RUNX1T1: variants seen among roughly 807,000 people sequenced by gnomAD.
RUNX1T1 encodes the protein protein CBFA2T1.
A neutral mutation model predicts 62.8 loss-of-function variants in RUNX1T1; 4 were observed. The ratio of observed to expected loss-of-function variants is 0.06; its 90% CI spans 0.03 to 0.15. RUNX1T1 has a LOEUF of 0.15. Ranked by LOEUF, RUNX1T1 falls within the 10% of genes least tolerant of loss-of-function variation. The pLI is 1.00. For synonymous variants in RUNX1T1, 291 were observed against 286.0 expected (o/e 1.02, Z -0.18); for missense variants, 508 against 754.3 (o/e 0.67, Z 3.82).
intron 10 of RUNX1T1, among the ~76,000 whole-genome samples, chr8:91,965,767 G>C (rs745838357): frequency 2.6e-5 from 4 of 152,018 alleles, no homozygotes; most frequent in Non-Finnish European, 4.4e-5. Flanking sequence ...TACTTCTGTG[G>C]TCTCTCTCCT....
chr8:92,006,340 T>TC (rs1224855981), intron 4 of RUNX1T1: 1 of 152,116 alleles, frequency 6.6e-6, no homozygotes. Flanking sequence ...ACAGCACTCA[T>TC]CCCCAATCAC....
rs1563814118 is a variant in RUNX1T1 at position 92,036,011 on chromosome 8, A to AT, written c.8-18649_8-18648insA. Among the ~76,000 whole-genome samples the AT allele has an allele frequency of 5.3e-5, 8 of 152,210 alleles. No individual in the cohort carries two copies. The East Asian group carries it at 1.5e-3, about 29-fold the overall frequency. On this transcript the variant is annotated intron_variant, in intron 1 of 10. Transcript: ENST00000396218. ...ATAAATTTAATGTTAGTAAGTTCTT[A>AT]ATGTAGCCTCATTTCTATTTATACT...
At chr8:91,986,754 G>A (rs1410950656) in intron 7 of RUNX1T1, 133 bp downstream of exon 8, 15 of 661,094 alleles carry the variant, frequency 2.3e-5, no homozygotes, top group Admixed American at 9.8e-5. Flanking sequence ...AGATATTCTC[G>A]CTCATTTTTT....
intron 1 of RUNX1T1, among the ~76,000 whole-genome samples, chr8:92,032,219 G>T (rs1394016858): frequency 6.7e-6 from 1 of 148,508 alleles, no homozygotes; most frequent in African/African-American, 2.5e-5. Flanking sequence ...ACTAAGTTCA[G>T]AAATGGATAT....
intron 1 of RUNX1T1, among the ~76,000 whole-genome samples, chr8:92,050,123 CTG>C (rs1222677482): frequency 4.6e-5 from 7 of 152,174 alleles, no homozygotes; most frequent in African/African-American, 1.4e-4. Context: ...AAATGATAGA[CTG>C]TTATTCGTAA....
At chr8:91,970,043 T>TGTG (rs11374252) in intron 10 of RUNX1T1, among the ~76,000 whole-genome samples, 315 of 142,806 alleles carry the variant, frequency 2.2e-3, no homozygotes, top group South Asian at 5.0e-3. Context: ...TGTGTGTGTG[T>TGTG]TGTGTGTGTG....
At chr8:92,075,402 A>G (rs1007411414) in intron 2 of RUNX1T1, among the ~76,000 whole-genome samples, 1 of 152,216 alleles carries the variant, frequency 6.6e-6, no homozygotes, top group Admixed American at 6.5e-5. Flanking sequence ...CATTTAGTTT[A>G]TATTTGCTGT....
At chr8:92,060,579 G>A (rs1831855155) in intron 1 of RUNX1T1, among the ~76,000 whole-genome samples, 1 of 144,598 alleles carries the variant, frequency 6.9e-6, no homozygotes, top group South Asian at 2.2e-4. Context: ...GTGTGTGTGT[G>A]TGTGTGTATG....
chr8:92,009,908 T>C (rs1821602007), intron 4 of RUNX1T1: 2 of 152,206 alleles, frequency 1.3e-5, no homozygotes, highest in Non-Finnish European at 2.9e-5. Context: ...TTCTGGTTTG[T>C]AGGTACTCAC....
intron 1 of RUNX1T1, among the ~76,000 whole-genome samples, chr8:92,058,561 GCA>G (rs1256588429): frequency 3.9e-5 from 6 of 152,078 alleles, no homozygotes; most frequent in Non-Finnish European, 5.9e-5. Context: ...TTTACAAACA[GCA>G]CAGTTAAGAA....
rs1812742850 is a variant in RUNX1T1 at position 91,971,134 on chromosome 8, T to G, written c.1268-286A>C. 5 of 319,576 alleles carry G rather than the reference T, an allele frequency of 1.6e-5. No individual in the cohort carries two copies. In the South Asian group the frequency reaches 6.0e-4, roughly 38 times the overall value. The allele number at this position is 319,576 out of a possible 1,614,324, so 19.8% of individuals were successfully genotyped here. A position where few individuals can be genotyped will look rare whatever the true frequency, so the allele number is the denominator to read the frequency against. On this transcript the variant is annotated intron_variant, in intron 9 of 10. Coordinates refer to ENST00000396218, the Ensembl canonical transcript of RUNX1T1. ...CCAGCAGTCTAAAAACTAGCAGATC[T>G]TTTGACATACATTTAGGAAAACAAA...
At chr8:92,097,660 G>T (rs936876143) in intron 1 of RUNX1T1, among the ~76,000 whole-genome samples, 9 of 152,056 alleles carry the variant, frequency 5.9e-5, no homozygotes, top group Non-Finnish European at 1.0e-4. Context: ...CCCAGAAAAG[G>T]TTTGCTTTTT....
intron 1 of RUNX1T1, among the ~76,000 whole-genome samples, chr8:92,042,512 G>A (rs78768395): frequency 0.013 from 1,910 of 152,068 alleles, 26 homozygotes; most frequent in Non-Finnish European, 0.017. Context: ...TGTAGAGATG[G>A]TGTCTTGTTA....
At chr8:92,082,201 T>TGTACTGTAA (rs1835382970) in intron 1 of RUNX1T1, among the ~76,000 whole-genome samples, 1 of 152,176 alleles carries the variant, frequency 6.6e-6, no homozygotes. Flanking sequence ...GTGGTATTTT[T>TGTACTGTAA]GTACTGTAAA....
At chr8:91,958,437 G>C (rs1809689007), downstream of RUNX1T1, 1 of 194,544 alleles carries the variant, frequency 5.1e-6, no homozygotes, top group Non-Finnish European at 1.1e-5. Flanking sequence ...TTCCCTTTTT[G>C]TAAGAATACT....
chr8:92,020,222 A>C (rs190672346), intron 1 of RUNX1T1, among the ~76,000 whole-genome samples: 1 of 152,366 alleles, frequency 6.6e-6, no homozygotes, highest in Admixed American at 6.5e-5. Context: ...CAGAGATTTA[A>C]GATAAATGCG....
exon 1 of RUNX1T1, chr8:92,062,707 C>G: frequency 6.2e-7 from 1 of 1,605,944 alleles, no homozygotes. Flanking sequence ...TGGGCGCGTG[C>G]GCCTGCCAGG....
intron 1 of RUNX1T1, among the ~76,000 whole-genome samples, chr8:92,050,365 G>A (rs181920377): frequency 2.5e-4 from 38 of 152,204 alleles, no homozygotes; most frequent in African/African-American, 8.9e-4. Context: ...ATTTCCAACT[G>A]GACACTGCCA....
intron 10 of RUNX1T1, among the ~76,000 whole-genome samples, chr8:91,966,300 A>T (rs1346412466): frequency 6.6e-6 from 1 of 151,800 alleles, no homozygotes; most frequent in Non-Finnish European, 1.5e-5. Context: ...TGTTTTATTC[A>T]GAGTCTACAC....
Sources: gnomAD v4.1 joint callset for allele counts (sites outside exome capture counted in the v4.1 genomes callset) on GRCh38, gnomAD v4.1.1 for gene constraint, MANE v1.5 for transcripts, NCBI Gene and HGNC (gene_info 2026-07-23, HGNC 2026-07-21) for gene names.